The following MTHFD1L variants were observed in gnomAD, a reference collection of about 807,000 sequenced individuals.
MTHFD1L encodes methylenetetrahydrofolate dehydrogenase (NADP+ dependent) 1 like.
Under a neutral mutation model 119.5 loss-of-function variants are expected in MTHFD1L, and 81 were observed. The ratio of observed to expected loss-of-function variants is 0.68; its 90% confidence interval spans 0.57 to 0.82. The LOEUF (loss-of-function observed/expected upper bound fraction) is 0.82. Ranked by LOEUF, MTHFD1L falls within the 40% of genes least tolerant of loss-of-function variation. MTHFD1L has a pLI of 0.00. For synonymous variants in MTHFD1L, 430 were observed against 475.2 expected (o/e 0.90, Z 1.24); for missense variants, 1,125 against 1,253.4 (o/e 0.90, Z 1.55).
At chr6:151,028,369 A>C (rs1249380337) in intron 24 of MTHFD1L, among the ~76,000 whole-genome samples, 1 of 152,182 alleles carries the variant, frequency 6.6e-6, no homozygotes, top group Non-Finnish European at 1.5e-5. Flanking sequence ...GCAGGTACTC[A>C]TGCAGCCCTG....
At chr6:150,999,518 C>G (rs973209330) in intron 20 of MTHFD1L, among the ~76,000 whole-genome samples, 1 of 152,136 alleles carries the variant, frequency 6.6e-6, no homozygotes. Flanking sequence ...ACAAACTGTT[C>G]TTGTTCCCTA....
intron 26 of MTHFD1L, among the ~76,000 whole-genome samples, chr6:151,063,859 A>G (rs1270499706): frequency 6.7e-6 from 1 of 149,944 alleles, no homozygotes; most frequent in Non-Finnish European, 1.5e-5. Flanking sequence ...AATCAAAGAC[A>G]TGAATTTGTG....
intron 26 of MTHFD1L, among the ~76,000 whole-genome samples, chr6:151,043,518 C>T (rs548930353): frequency 4.6e-5 from 7 of 152,160 alleles, no homozygotes; most frequent in African/African-American, 9.6e-5. Flanking sequence ...CCACTGCGCC[C>T]GGCCATCTCT....
intron 19 of MTHFD1L, among the ~76,000 whole-genome samples, chr6:150,965,512 T>G (rs1381092819): frequency 1.3e-5 from 2 of 151,988 alleles, no homozygotes; most frequent in African/African-American, 2.4e-5. Context: ...TACAAAAAAA[T>G]TAGCCGGGCA....
rs551174436 is a variant in MTHFD1L at position 151,067,253 on chromosome 6, T to C, written c.2848-25214T>C. ...ATGAGCCACCGCTCCCGGCCATCGA[T>C]TTGATTATTATAAAATCAGGTTATA... On this transcript the variant is annotated intron_variant, in intron 26 of 27. Coordinates refer to ENST00000367321, the MANE Select transcript of MTHFD1L (RefSeq NM_015440.5). Among the ~76,000 whole-genome samples, 22 of 151,916 alleles carry C rather than the reference T, an allele frequency of 1.4e-4. No homozygotes were observed. In the East Asian group the frequency reaches 4.1e-3, roughly 28 times the overall value.
At chr6:151,009,277 G>A (rs893232813) in intron 20 of MTHFD1L, among the ~76,000 whole-genome samples, 6 of 152,146 alleles carry the variant, frequency 3.9e-5, no homozygotes, top group East Asian at 1.9e-4. Flanking sequence ...CTCAACGCCT[G>A]TAATCCCAGC....
chr6:151,033,918 G>A (rs972396435), intron 24 of MTHFD1L, among the ~76,000 whole-genome samples: 1 of 152,180 alleles, frequency 6.6e-6, no homozygotes, highest in Non-Finnish European at 1.5e-5. Context: ...GCTCATGCCT[G>A]TAATCCCAGT....
At chr6:150,964,916 C>T (rs1158159719) in intron 18 of MTHFD1L, 53 bp from the exon 19 acceptor site, 1 of 1,570,504 alleles carries the variant, frequency 6.4e-7, no homozygotes, top group Non-Finnish European at 8.8e-7. Context: ...AGGGGTTAAC[C>T]ATTGCCTGGA....
chr6:151,041,906 C>T (rs182957238), intron 26 of MTHFD1L: 37 of 471,222 alleles, frequency 7.9e-5, no homozygotes, highest in African/African-American at 5.5e-4. Flanking sequence ...AGCTTTTTTC[C>T]GCTCCAGATT....
chr6:150,927,286 T>C (rs1277715950), intron 11 of MTHFD1L, among the ~76,000 whole-genome samples: 1 of 151,902 alleles, frequency 6.6e-6, no homozygotes, highest in Admixed American at 6.6e-5. Flanking sequence ...GCGAGGACTG[T>C]TTTGACGCTG....
Position 150,925,473 on chromosome 6 carries a change from A to G in MTHFD1L, c.1083-649A>G, listed in dbSNP as rs180675385. Among the ~76,000 whole-genome samples, 9 of 152,254 alleles carry G rather than the reference A, an allele frequency of 5.9e-5. No individual in the cohort carries two copies. In the East Asian group the frequency reaches 9.6e-4, roughly 16 times the overall value. On this transcript the variant is annotated intron_variant, in intron 10 of 27. Coordinates refer to ENST00000367321, the MANE Select transcript of MTHFD1L (RefSeq NM_015440.5). The stretch of plus-strand genomic sequence containing the variant: ...ATAGAAGAGTTCAGTTACGTGCCCA[A>G]TGACTCTCTGGAGTTCCTACAATTT...
At chr6:150,971,813 G>A in intron 19 of MTHFD1L, 134 bp from the exon 20 acceptor site, 2 of 684,824 alleles carry the variant, frequency 2.9e-6, no homozygotes, top group East Asian at 5.3e-5. Flanking sequence ...TGTTTTGACT[G>A]TCTTTGAAAT....
At chr6:151,040,773 T>C (rs1011439742) in intron 26 of MTHFD1L, among the ~76,000 whole-genome samples, 43 of 152,268 alleles carry the variant, frequency 2.8e-4, no homozygotes, top group Non-Finnish European at 4.4e-5. Context: ...ACTAAACAAA[T>C]ATACAATGTG....
At position 150,876,293 on chromosome 6, in the gene MTHFD1L, G is replaced by A. The variant is rs532153296; in HGVS notation, c.312+119G>A. 100 of 808,686 alleles carry A rather than the reference G, an allele frequency of 1.2e-4. 1 individual carries two copies. In the Middle Eastern group the frequency reaches 1.9e-3, roughly 15 times the overall value. The allele number at this position is 808,686 out of a possible 1,614,324, so 50.1% of individuals were successfully genotyped here. Reference sequence around the variant, plus strand: ...AAGAGGAGAGGGCTCAGTTGGCAATGCTGTTTTCTTTGGTCTTTTGCTTCT... The same window carrying A: ...AAGAGGAGAGGGCTCAGTTGGCAATACTGTTTTCTTTGGTCTTTTGCTTCT... On this transcript the variant is annotated intron_variant, in intron 2 of 27. Transcript: ENST00000367321.
chr6:151,097,529 T>C (rs1794980394), intron 27 of MTHFD1L, among the ~76,000 whole-genome samples: 1 of 152,190 alleles, frequency 6.6e-6, no homozygotes, highest in South Asian at 2.1e-4. Context: ...GTTCTCACTC[T>C]CATGTGGAAG....
intron 18 of MTHFD1L, among the ~76,000 whole-genome samples, chr6:150,961,006 C>CT (rs967707249): frequency 6.6e-6 from 1 of 151,556 alleles, no homozygotes; most frequent in Non-Finnish European, 1.5e-5. Flanking sequence ...ACACCATTTC[C>CT]TTTTTTAGTG....
chr6:151,024,003 G>A (rs966884909), intron 24 of MTHFD1L, among the ~76,000 whole-genome samples: 1 of 151,916 alleles, frequency 6.6e-6, no homozygotes, highest in Non-Finnish European at 1.5e-5. Flanking sequence ...CACACGTAAT[G>A]GACCACTTAA....
rs117212131 is a variant in MTHFD1L, at chr6:150,933,240, C to T, written c.1257-3564C>T. ...TCTTGGGCAGCTATGCTAGCATATC[C>T]TTGGGAATGAAAATGTAATCCTTCA... On this transcript the variant is annotated intron_variant, in intron 11 of 27. Coordinates refer to ENST00000367321, the MANE Select transcript of MTHFD1L (RefSeq NM_015440.5). Among the ~76,000 whole-genome samples, 1,147 of 152,146 alleles carry T rather than the reference C, an allele frequency of 7.5e-3. 4 individuals carry two copies. Among genetic ancestry groups the T allele is most frequent in the Middle Eastern group, 0.014 (4 of 294 alleles).
chr6:150,966,954 G>C (rs1040096503), intron 19 of MTHFD1L, among the ~76,000 whole-genome samples: 1 of 152,200 alleles, frequency 6.6e-6, no homozygotes, highest in Non-Finnish European at 1.5e-5. Flanking sequence ...CTGCAGCCCC[G>C]GGGGAGGGGT....
Sources: gnomAD v4.1 joint callset for allele counts (sites outside exome capture counted in the v4.1 genomes callset) on GRCh38, gnomAD v4.1.1 for gene constraint, MANE v1.5 for transcripts, NCBI Gene and HGNC (gene_info 2026-07-23, HGNC 2026-07-21) for gene names.